The following NPSR1 variants were observed in gnomAD, a reference collection of about 807,000 sequenced individuals.
The protein encoded by NPSR1 is neuropeptide S receptor.
Under a neutral mutation model 46.9 loss-of-function variants are expected in NPSR1, and 48 were observed. The observed-to-expected ratio is 1.02, with a 90% CI of 0.81 to 1.30. NPSR1 has a LOEUF of 1.30. NPSR1 is among the 50% of genes most tolerant of loss of function. The pLI is 0.00. For synonymous variants in NPSR1, 176 were observed against 168.1 expected, an observed-to-expected ratio of 1.05 and a Z score of -0.36; for missense variants, 450 against 449.5, an observed-to-expected ratio of 1.00 and a Z score of -0.01.
chr7:34,778,328 T>C (rs1787071755), intron 2 of NPSR1, 134 bp from the exon 3 acceptor site: 1 of 537,548 alleles, frequency 1.9e-6, no homozygotes, highest in East Asian at 3.2e-5. Context: ...TCAGTGGCCA[T>C]CTGATAAAGC....
At chr7:34,821,105 A>T (rs1338939539) in intron 4 of NPSR1, among the ~76,000 whole-genome samples, 2 of 138,938 alleles carry the variant, frequency 1.4e-5, no homozygotes, top group African/African-American at 2.7e-5. Context: ...TTTTTGGTTT[A>T]CATTCATGGA....
At chr7:34,676,055 TTA>T (rs1230041701) in intron 1 of NPSR1, among the ~76,000 whole-genome samples, 1 of 152,074 alleles carries the variant, frequency 6.6e-6, no homozygotes, top group Non-Finnish European at 1.5e-5. Context: ...CTTCTTAGGC[TTA>T]GTGAAATTCC....
chr7:34,848,599 T>A lies in NPSR1; in HGVS notation c.961T>A (p.Leu321Met). The A allele has an allele frequency of 6.2e-7, 1 of 1,614,226 alleles. No individual in the cohort carries two copies. The highest frequency in any genetic ancestry group is 8.5e-7 in the Non-Finnish European group (1 of 1,180,040). The change falls in exon 8 of 9, where the codon TTG (leucine) becomes ATG (methionine). Residue 321 changes from leucine to methionine, a missense_variant. Physicochemically the swap from Leu to Met is conservative, Grantham distance 15 (BLOSUM62 2). Coordinates refer to ENST00000360581, the MANE Select transcript of NPSR1 (RefSeq NM_207172.2). Reference sequence around the variant, plus strand: ...TGTGATCATTCAGAACCTGCCAGCATTGAATAGTGCCATCAACCCCCTCAT... The same window carrying A: ...TGTGATCATTCAGAACCTGCCAGCAATGAATAGTGCCATCAACCCCCTCAT... ...ASVIIQNLPA[L>M]NSAINPLIYC...
At position 34,790,756 on chromosome 7, in the gene NPSR1, A is replaced by C. The variant is rs185835255; in HGVS notation, c.384+12191A>C. ...TTATATGTTATATATAATATATGTT[A>C]TATGTTATATATAATATATGTTATA... On this transcript the variant is annotated intron_variant, in intron 3 of 8. Coordinates refer to ENST00000360581, the MANE Select transcript of NPSR1 (RefSeq NM_207172.2). Among the ~76,000 whole-genome samples, 60 of 119,620 alleles carry C rather than the reference A, an allele frequency of 5.0e-4. 3 individuals carry two copies. The highest frequency in any genetic ancestry group is 3.1e-3 in the East Asian group (12 of 3,868). The allele number at this position is 119,620 out of a possible 152,430, so 78.5% of individuals were successfully genotyped here.
In NPSR1 at chr7:34,849,658, C is replaced by A; in HGVS notation, c.*3C>A. The stretch of plus-strand genomic sequence containing the variant: ...TGTCCAAGCCAGAATTCATCTAGAC[C>A]CTAGGGCAGTGCCAGTGCTAGGCTG... On this transcript the variant is annotated 3_prime_UTR_variant, in exon 9 of 9. Transcript: ENST00000360581. The A allele has an allele frequency of 1.2e-6, 2 of 1,613,978 alleles. No individual in the cohort carries two copies. Among genetic ancestry groups the A allele is most frequent in the South Asian group, 2.2e-5 (2 of 91,058 alleles).
chr7:34,669,203 C>T (rs1466313765), intron 1 of NPSR1, among the ~76,000 whole-genome samples: 1 of 152,158 alleles, frequency 6.6e-6, no homozygotes, highest in Non-Finnish European at 1.5e-5. Context: ...ATTTTGGAAG[C>T]ACCACATATT....
At chr7:34,853,418 G>A (rs1009047067), downstream of NPSR1, among the ~76,000 whole-genome samples, 5 of 152,158 alleles carry the variant, frequency 3.3e-5, no homozygotes, top group Non-Finnish European at 1.5e-5. Context: ...TTAATTGAAG[G>A]GAGAAGGCCG....
intron 8 of NPSR1, among the ~76,000 whole-genome samples, chr7:34,861,503 C>T (rs1161625278): frequency 6.6e-6 from 1 of 151,746 alleles, no homozygotes; most frequent in African/African-American, 2.4e-5. Flanking sequence ...TATGTATTGC[C>T]TTCTAACATA....
intron 3 of NPSR1, chr7:34,779,880 C>G (rs1787155536): frequency 6.0e-6 from 1 of 167,366 alleles, no homozygotes; most frequent in Non-Finnish European, 1.3e-5. Context: ...CTTGGCTAGG[C>G]AGATCTGGAT....
chr7:34,700,546 T>C (rs1384629514), intron 2 of NPSR1, among the ~76,000 whole-genome samples: 1 of 152,142 alleles, frequency 6.6e-6, no homozygotes, highest in Non-Finnish European at 1.5e-5. Context: ...TTAGAGGAAA[T>C]GCAAATCCAA....
At chr7:34,794,102 C>T (rs1788064616) in intron 3 of NPSR1, among the ~76,000 whole-genome samples, 1 of 151,942 alleles carries the variant, frequency 6.6e-6, no homozygotes, top group South Asian at 2.1e-4. Context: ...GAACACTGGT[C>T]AATGAGTACA....
At chr7:34,686,975 A>AAAG (rs1431708706) in intron 2 of NPSR1, among the ~76,000 whole-genome samples, 1 of 151,268 alleles carries the variant, frequency 6.6e-6, no homozygotes, top group Non-Finnish European at 1.5e-5. Context: ...AAAAAAAAAA[A>AAAG]AAAAAAGAAA....
At chr7:34,781,698 G>A (rs1787240046) in intron 3 of NPSR1, among the ~76,000 whole-genome samples, 1 of 152,140 alleles carries the variant, frequency 6.6e-6, no homozygotes, top group Non-Finnish European at 1.5e-5. Context: ...TTTGGGAATG[G>A]GGTCACCACC....
chr7:34,755,821 G>A (rs1785806815), intron 2 of NPSR1, among the ~76,000 whole-genome samples: 2 of 151,958 alleles, frequency 1.3e-5, no homozygotes, highest in Non-Finnish European at 2.9e-5. Flanking sequence ...AGTATTTACT[G>A]AATGCTCATT....
downstream of NPSR1, among the ~76,000 whole-genome samples, chr7:34,850,534 G>T (rs1790903479): frequency 2.0e-5 from 3 of 151,708 alleles, no homozygotes; most frequent in African/African-American, 7.3e-5. Flanking sequence ...CCGAGTAGCT[G>T]CGACCACAGG....
intron 6 of NPSR1, among the ~76,000 whole-genome samples, chr7:34,839,346 A>C (rs1301360140): frequency 1.3e-5 from 2 of 152,236 alleles, no homozygotes; most frequent in Non-Finnish European, 2.9e-5. Flanking sequence ...TAAAATAGAC[A>C]AGGAAAATTC....
At chr7:34,813,053 G>A (rs17789420) in intron 4 of NPSR1, among the ~76,000 whole-genome samples, 11,277 of 152,198 alleles carry the variant, frequency 0.074, 505 homozygotes, top group East Asian at 0.12. Context: ...TATAAAATGT[G>A]CAGCCCTTTG....
chr7:34,812,396 G>A (rs116264344), intron 4 of NPSR1, among the ~76,000 whole-genome samples: 5 of 152,270 alleles, frequency 3.3e-5, no homozygotes, highest in African/African-American at 1.2e-4. Context: ...AAGCAGATGG[G>A]TCAGAGGGAA....
intron 1 of NPSR1, among the ~76,000 whole-genome samples, chr7:34,677,545 T>C (rs1369097946): frequency 2.0e-5 from 3 of 152,162 alleles, no homozygotes; most frequent in Admixed American, 6.5e-5. Context: ...GGCTTCCATA[T>C]CAGAAGTAGA....
Sources: allele counts gnomAD v4.1 joint callset (sites outside exome capture counted in the v4.1 genomes callset), GRCh38; gene constraint gnomAD v4.1.1; transcripts MANE v1.5; gene names NCBI Gene and HGNC (gene_info 2026-07-23, HGNC 2026-07-21).